ABTB1: variants seen among roughly 807,000 people sequenced by gnomAD.
ABTB1 encodes the protein ankyrin repeat and BTB domain containing 1, also known as ankyrin repeat and BTB/POZ domain-containing protein 1.
Under a neutral mutation model 57.1 loss-of-function variants are expected in ABTB1, and 45 were observed. The observed-to-expected ratio is 0.79, with a 90% CI of 0.62 to 1.01. The LOEUF (loss-of-function observed/expected upper bound fraction) is 1.01, where lower values mean the gene tolerates loss of function less well. Among genes scored for constraint, ABTB1 ranks in the 50% least tolerant of loss-of-function variants. ABTB1 has a pLI of 0.00. For missense variants in ABTB1, 630 were observed against 666.3 expected (o/e 0.95, Z 0.60); for synonymous variants, 302 against 275.4 (o/e 1.10, Z -0.95).
Position 127,680,298 on chromosome 3 carries a change from G to A in ABTB1, c.1260G>A (p.Ala420=), listed in dbSNP as rs780489088. Residue 420 remains alanine, a synonymous_variant, in exon 12 of 12, where the codon GCG becomes GCA. Transcript: ENST00000232744. ...KLVEREDFVE[A]VKEEAAAVAA... is the part of the protein sequence containing the mutation. ...TGGAGCGGGAGGACTTCGTGGAGGC[G>A]GTGAAGGAGGAGGCAGCGGCTGTGG... is the stretch of plus-strand genomic sequence containing the variant. The A allele has an allele frequency of 1.4e-5, 22 of 1,612,992 alleles. No individual in the cohort carries two copies. The highest frequency in any genetic ancestry group is 1.1e-4 in the African/African-American group (8 of 74,936).
chr3:127,680,377 G>T lies in ABTB1; in HGVS notation c.1339G>T (p.Val447Leu). The change falls in exon 12 of 12, where the codon GTG becomes TTG. Residue 447 changes from valine to leucine, a missense_variant. Around this residue, in one of 3 missense-constraint regions of ABTB1, gnomAD observed 43 missense variants for 56.1 expected, o/e 0.77. Coordinates refer to ENST00000232744, the MANE Select transcript of ABTB1 (RefSeq NM_172027.3). ...GCTGGTGGACGACATCCGCTTCCAC[G>T]TGGCCAGCACGGTGCAGACCTACAG... ...IPLVDDIRFH[V>L]ASTVQTYSAI... 1 of 1,608,426 alleles carries T rather than the reference G, an allele frequency of 6.2e-7. No homozygotes were observed. The highest frequency in any genetic ancestry group is 8.5e-7 in the Non-Finnish European group (1 of 1,177,818).
chr3:127,680,030 T>G lies in ABTB1; in HGVS notation c.1075T>G (p.Tyr359Asp). 1.2e-6 allele frequency: 2 copies of G among 1,613,722 alleles called. No homozygotes were observed. The highest frequency in any genetic ancestry group is 1.7e-6 in the Non-Finnish European group (2 of 1,180,026). Residue 359 changes from tyrosine to aspartate, a missense_variant, in exon 11 of 12, where the codon TAC becomes GAC. Physicochemically the swap from Tyr to Asp is radical, Grantham distance 160. This residue lies in a region of ABTB1 where 579 missense variants were observed against 585.9 expected (regional missense o/e 0.99). Coordinates refer to ENST00000232744, the MANE Select transcript of ABTB1 (RefSeq NM_172027.3). ...AYDVLSVADMYLLPGLKRLCG... is the reference protein window; with the variant it reads ...AYDVLSVADMDLLPGLKRLCG... ...TGATGTGCTGAGCGTCGCCGACATG[T>G]ACCTGCTGCCAGGCCTGAAGAGGCT... is the stretch of plus-strand genomic sequence containing the variant.
rs751489377 is a variant in ABTB1, at chr3:127,672,986, C to T, written c.-40C>T. ...TACATCCGCCGGGTGCGCGGCTTCG[C>T]CGCCCGAGGTCGTTCGGCTCGGGTA... On this transcript the variant is annotated 5_prime_UTR_variant, in exon 1 of 12. Transcript: ENST00000232744. 2.6e-5 allele frequency: 39 copies of T among 1,527,486 alleles called. No homozygotes were observed. In the South Asian group the frequency reaches 4.4e-4, roughly 17 times the overall value. The allele number at this position is 1,527,486 out of a possible 1,614,324, so 94.6% of individuals were successfully genotyped here.
At chr3:127,674,167 G>A in intron 1 of ABTB1, 1 of 584,830 alleles carries the variant, frequency 1.7e-6, no homozygotes, top group South Asian at 1.9e-5. Context: ...TCGTCCCCCA[G>A]CACTGATAGC....
Position 127,677,749 on chromosome 3 carries a change from C to G in ABTB1, c.935C>G (p.Ala312Gly). 1 of 1,610,990 alleles carries G rather than the reference C, an allele frequency of 6.2e-7. No individual in the cohort carries two copies. The highest frequency in any genetic ancestry group is 8.5e-7 in the Non-Finnish European group (1 of 1,178,824). ...CACTTCCGAGAGAGCGAGGAGCCAG[C>G]GACCTCAGGGGGCCCCCCAGCCGTC... ...DDHFRESEEP[A>G]TSGGPPAVTL... Residue 312 changes from alanine (A) to glycine (G), a missense_variant, in exon 10 of 12, where the codon GCG (alanine) becomes GGG (glycine). Physicochemically the swap from Ala to Gly is moderately conservative, Grantham distance 60 (BLOSUM62 0). This residue lies in a region of ABTB1 where 579 missense variants were observed against 585.9 expected (regional missense o/e 0.99). Coordinates refer to ENST00000232744, the MANE Select transcript of ABTB1 (RefSeq NM_172027.3).
Position 127,676,186 on chromosome 3 carries a change from C to T in ABTB1, c.320+72C>T. On this transcript the variant is annotated intron_variant, in intron 4 of 11. Transcript: ENST00000232744. The surrounding 1 kb of genome is among the most constrained non-coding windows in gnomAD (Gnocchi z 5.4). ...GGTGGGTGTGGCGAGTCTGCTCTGA[C>T]TGTGGCCTGCACTGGGTTCTGAGTG... 6.2e-7 allele frequency: 1 copy of T among 1,606,300 alleles called. No individual in the cohort carries two copies. Among genetic ancestry groups the T allele is most frequent in the Non-Finnish European group, 8.5e-7 (1 of 1,174,660 alleles).
chr3:127,677,877 A>C, intron 10 of ABTB1, 34 bp downstream of exon 10: 1 of 1,603,568 alleles, frequency 6.2e-7, no homozygotes, highest in Non-Finnish European at 8.5e-7. Context: ...GATGGCACAC[A>C]ACCTGTGCTG....
chr3:127,677,032 T>A lies in ABTB1; in HGVS notation c.592T>A (p.Trp198Arg), dbSNP rs1201831823. The A allele has an allele frequency of 6.2e-7, 1 of 1,613,942 alleles. No homozygotes were observed. The highest frequency in any genetic ancestry group is 8.5e-7 in the Non-Finnish European group (1 of 1,179,990). The change falls in exon 7 of 12, where the codon TGG (tryptophan) becomes AGG (arginine). Residue 198 changes from tryptophan (W) to arginine (R), a missense_variant. This residue lies in a region of ABTB1 where 579 missense variants were observed against 585.9 expected (regional missense o/e 0.99). Transcript: ENST00000232744. Reference sequence around the variant, plus strand: ...GCGCCTGGCCAAGCAATGCCAGCTGTGGGACCTGCTCAGCGACCTGGAGGC... The same window carrying A: ...GCGCCTGGCCAAGCAATGCCAGCTGAGGGACCTGCTCAGCGACCTGGAGGC... ...CERLAKQCQL[W>R]DLLSDLEAKC...
intron 3 of ABTB1, among the ~76,000 whole-genome samples, chr3:127,675,060 G>A (rs987555766): frequency 6.6e-6 from 1 of 151,768 alleles, no homozygotes; most frequent in Admixed American, 6.6e-5. Context: ...TGGCCTCGCT[G>A]GGGCTCCACT....
chr3:127,676,614 G>A lies in ABTB1; in HGVS notation c.526+33G>A. 1 of 1,612,108 alleles carries A rather than the reference G, an allele frequency of 6.2e-7. No individual in the cohort carries two copies. Among genetic ancestry groups the A allele is most frequent in the South Asian group, 1.1e-5 (1 of 90,994 alleles). ...CCTGGGTCCAGGGTAGGAGGAGAGG[G>A]AGTGGGCCGTCCTTCTGGACAGCAG... On this transcript the variant is annotated intron_variant, in intron 6 of 11. Transcript: ENST00000232744. The surrounding 1 kb of genome is among the most constrained non-coding windows in gnomAD (Gnocchi z 5.4).
Position 127,676,089 on chromosome 3 carries a change from G to T in ABTB1, c.295G>T (p.Asp99Tyr). 6.2e-7 allele frequency: 1 copy of T among 1,613,312 alleles called. No homozygotes were observed. Residue 99 changes from aspartate (D) to tyrosine (Y), a missense_variant, in exon 4 of 12, where the codon GAT becomes TAT. Asp to Tyr is a radical substitution (Grantham distance 160). Coordinates refer to ENST00000232744, the MANE Select transcript of ABTB1 (RefSeq NM_172027.3). This position sits in a 1 kb window ranked among gnomAD's most constrained non-coding sequence, Gnocchi z 5.4. ...GGTCACGGCTTCCTGCAGGAGGCGG[G>T]ATTACTATGACGACTTCTTGCAGCG... ...KQVTASCRRR[D>Y]YYDDFLQRLL...
At chr3:127,673,365 C>T in intron 1 of ABTB1, 1 of 269,200 alleles carries the variant, frequency 3.7e-6, no homozygotes, top group African/African-American at 2.2e-5. Context: ...GGAGAGAAGG[C>T]GGGCCACTGT....
rs768607785 is a variant in ABTB1, at chr3:127,680,586, G to A, written c.*111G>A. Reference sequence around the variant, plus strand: ...CCCTGCACATTGAGGGCTTCATGGGGGGTGCGAGGGGCTCAGTGGGGCTTC... The same window carrying A: ...CCCTGCACATTGAGGGCTTCATGGGAGGTGCGAGGGGCTCAGTGGGGCTTC... On this transcript the variant is annotated 3_prime_UTR_variant, in exon 12 of 12. Coordinates refer to ENST00000232744, the MANE Select transcript of ABTB1 (RefSeq NM_172027.3). 3 of 1,337,578 alleles carry A rather than the reference G, an allele frequency of 2.2e-6. No individual in the cohort carries two copies. The highest frequency in any genetic ancestry group is 3.4e-5 in the Admixed American group (2 of 58,408). The allele number at this position is 1,337,578 out of a possible 1,614,324, so 82.9% of individuals were successfully genotyped here.
chr3:127,677,996 A>T, intron 10 of ABTB1, 153 bp downstream of exon 10: 1 of 1,039,644 alleles, frequency 9.6e-7, no homozygotes, highest in Non-Finnish European at 1.4e-6. Context: ...GGGACTTTGG[A>T]TTTTTCTTTC....
chr3:127,676,737 A>C lies in ABTB1; in HGVS notation c.526+156A>C. 2 of 990,308 alleles carry C rather than the reference A, an allele frequency of 2.0e-6. No individual in the cohort carries two copies. The highest frequency in any genetic ancestry group is 5.2e-5 in the East Asian group (2 of 38,660). The allele number at this position is 990,308 out of a possible 1,614,324, so 61.3% of individuals were successfully genotyped here. On this transcript the variant is annotated intron_variant, in intron 6 of 11. Transcript: ENST00000232744. This position sits in a 1 kb window ranked among gnomAD's most constrained non-coding sequence, Gnocchi z 5.4. ...CCTCTCGGGTTGGGTTGCAAGAGAG[A>C]GGACTAGTGTGCCTGCTCAGGAAGA... is the stretch of plus-strand genomic sequence containing the variant.
chr3:127,678,240 C>G, intron 10 of ABTB1: 1 of 230,752 alleles, frequency 4.3e-6, no homozygotes, highest in Non-Finnish European at 8.7e-6. Context: ...TGTCCGTAAG[C>G]CAAGGCTGCA....
At position 127,680,914 on chromosome 3, in the gene ABTB1, C is replaced by T. The variant is rs1276837583; in HGVS notation, c.*439C>T. 8 of 512,296 alleles carry T rather than the reference C, an allele frequency of 1.6e-5. No individual in the cohort carries two copies. The highest frequency in any genetic ancestry group is 1.3e-4 in the South Asian group (4 of 30,712). The allele number at this position is 512,296 out of a possible 1,614,324, so 31.7% of individuals were successfully genotyped here. On this transcript the variant is annotated 3_prime_UTR_variant, in exon 12 of 12. Coordinates refer to ENST00000232744, the MANE Select transcript of ABTB1 (RefSeq NM_172027.3). ...GTGTGGCAATAAAGCTTGAAGGCAC[C>T]GTGGGAGCATGAGCCTGTGTCCTGG...
chr3:127,678,575 GC>G (rs1198930970), intron 10 of ABTB1: 1 of 152,340 alleles, frequency 6.6e-6, no homozygotes, highest in Non-Finnish European at 1.5e-5. Flanking sequence ...CGCAAAGGTA[GC>G]CAGAGACAGT....
Position 127,677,235 on chromosome 3 carries a change from C to T in ABTB1, c.711C>T (p.Leu237=). The stretch of plus-strand genomic sequence containing the variant: ...AGCCCCCACCTGCAGACCCCCGCCT[C>T]CGGGAGGACATGGCGCTGCTGGCCG... The part of the protein sequence containing the change: ...TIEPPPADPR[L]REDMALLADC... Residue 237 remains leucine (L), a synonymous_variant, in exon 8 of 12, where the codon CTC becomes CTT. Transcript: ENST00000232744. 6.2e-7 allele frequency: 1 copy of T among 1,604,088 alleles called. No individual in the cohort carries two copies. The highest frequency in any genetic ancestry group is 8.5e-7 in the Non-Finnish European group (1 of 1,175,476).
Sources: gnomAD v4.1 joint callset for allele counts (sites outside exome capture counted in the v4.1 genomes callset) on GRCh38, gnomAD v4.1.1 for gene constraint, gnomAD v4.1.1 regional missense constraint, Gnocchi (gnomAD v3.1) non-coding constraint, MANE v1.5 for transcripts, NCBI Gene and HGNC (gene_info 2026-07-23, HGNC 2026-07-21) for gene names.